The following CTSS variants were observed in gnomAD, a reference collection of about 807,000 sequenced individuals.
CTSS encodes the protein cathepsin S.
Under a neutral mutation model 39.9 loss-of-function variants are expected in CTSS, and 15 were observed. That is an observed-to-expected ratio of 0.38 (90% CI 0.25 to 0.58). The LOEUF (loss-of-function observed/expected upper bound fraction) is 0.58. CTSS is among the 20% of genes least tolerant of loss of function. CTSS has a pLI of 0.70. For synonymous variants in CTSS, 126 were observed against 138.2 expected, an observed-to-expected ratio of 0.91 and a Z score of 0.62; for missense variants, 250 against 398.2, an observed-to-expected ratio of 0.63 and a Z score of 3.17.
intron 5 of CTSS, 91 bp downstream of exon 5, chr1:150,751,690 C>T: frequency 9.0e-7 from 1 of 1,115,412 alleles, no homozygotes. Context: ...TACTGCTTCT[C>T]AAGCAATTGG....
intron 6 of CTSS, among the ~76,000 whole-genome samples, chr1:150,749,395 C>G (rs976603756): frequency 6.6e-6 from 1 of 152,150 alleles, no homozygotes; most frequent in African/African-American, 2.4e-5. Flanking sequence ...GGTCTAGATA[C>G]AAGAGTAAGC....
chr1:150,746,512 G>C (rs1257905336), intron 7 of CTSS, among the ~76,000 whole-genome samples: 2 of 152,002 alleles, frequency 1.3e-5, no homozygotes, highest in East Asian at 3.9e-4. Context: ...GTGACAGACA[G>C]GTAAATATAC....
At chr1:150,741,010 A>AT (rs1242591396) in intron 7 of CTSS, among the ~76,000 whole-genome samples, 1 of 150,904 alleles carries the variant, frequency 6.6e-6, no homozygotes, top group Non-Finnish European at 1.5e-5. Context: ...TTTAACTTAA[A>AT]TTTTTTTTTG....
intron 6 of CTSS, 134 bp from the exon 7 acceptor site, chr1:150,748,013 C>T (rs921036566): frequency 3.2e-6 from 2 of 616,640 alleles, no homozygotes; most frequent in East Asian, 6.1e-5. Context: ...AGGACATGTC[C>T]AGGCATGGTG....
At chr1:150,763,813 G>A (rs1653310891) in intron 2 of CTSS, among the ~76,000 whole-genome samples, 1 of 152,122 alleles carries the variant, frequency 6.6e-6, no homozygotes. Flanking sequence ...ACAATATCTG[G>A]CCACACTATG....
chr1:150,737,380 G>A (rs933479974), intron 7 of CTSS, among the ~76,000 whole-genome samples: 5 of 152,136 alleles, frequency 3.3e-5, no homozygotes, highest in Admixed American at 2.6e-4. Context: ...GGGATTACAG[G>A]CGTGAGCCAC....
In CTSS at chr1:150,730,681, C is replaced by A. The variant is rs587608073; in HGVS notation, c.*2365G>T. The stretch of plus-strand genomic sequence containing the variant: ...CCTGAACCCCGTCACTAACCTCTAA[C>A]TGAAAGTTAGGATTTTCTTCAATTC... On this transcript the variant is annotated 3_prime_UTR_variant, in exon 8 of 8. Coordinates refer to ENST00000368985, the MANE Select transcript of CTSS (RefSeq NM_004079.5). The A allele has an allele frequency of 1.3e-5, 2 of 152,212 alleles. No individual in the cohort carries two copies. Among genetic ancestry groups the A allele is most frequent in the Non-Finnish European group, 2.9e-5 (2 of 68,038 alleles). 9.4% of individuals were successfully genotyped at this position (152,212 alleles called of 1,614,324 possible).
At position 150,744,979 on chromosome 1, in the gene CTSS, G is replaced by A. The variant is rs2101915371; in HGVS notation, c.896+2798C>T. ...GTTCCTTAGAGAGTCAATAAGATAT[G>A]AGGGAAATAGTTTCATTTTAAAAAG... On this transcript the variant is annotated intron_variant, in intron 7 of 7. Coordinates refer to ENST00000368985, the MANE Select transcript of CTSS (RefSeq NM_004079.5). Among the ~76,000 whole-genome samples the A allele has an allele frequency of 2.0e-5, 3 of 152,106 alleles. No individual in the cohort carries two copies. The South Asian group carries it at 6.2e-4, about 31-fold the overall frequency.
At position 150,760,507 on chromosome 1, in the gene CTSS, G is replaced by A. The variant is rs138467614; in HGVS notation, c.127-2527C>T. Among the ~76,000 whole-genome samples the A allele has an allele frequency of 3.4e-3, 514 of 152,260 alleles. 2 individuals are homozygous for A. Among genetic ancestry groups the A allele is most frequent in the African/African-American group, 0.012 (492 of 41,546 alleles). ...TATAGTGCTGAAAATCCTAGCCAGAGCAATTAGGCAAGAAAAATAAATACA... is the reference window on the plus strand; with the variant it reads ...TATAGTGCTGAAAATCCTAGCCAGAACAATTAGGCAAGAAAAATAAATACA... On this transcript the variant is annotated intron_variant, in intron 2 of 7. Coordinates refer to ENST00000368985, the MANE Select transcript of CTSS (RefSeq NM_004079.5).
chr1:150,758,051 C>G, intron 2 of CTSS, 71 bp from the exon 3 acceptor site: 1 of 1,431,762 alleles, frequency 7.0e-7, no homozygotes. Context: ...ATGAAAATGG[C>G]AATTTTTTTT....
intron 7 of CTSS, among the ~76,000 whole-genome samples, chr1:150,739,125 G>A (rs587601433): frequency 2.6e-5 from 4 of 152,278 alleles, no homozygotes; most frequent in South Asian, 4.1e-4. Flanking sequence ...AACCTGGGAG[G>A]CAGAGGTTTC....
At chr1:150,736,246 C>A (rs587694388) in intron 7 of CTSS, among the ~76,000 whole-genome samples, 2 of 152,234 alleles carry the variant, frequency 1.3e-5, no homozygotes, top group South Asian at 4.2e-4. Context: ...CTAATTTAAT[C>A]ATCATCCTGT....
intron 7 of CTSS, among the ~76,000 whole-genome samples, chr1:150,737,309 C>G (rs11204718): frequency 0.38 from 57,259 of 151,864 alleles, 11,055 homozygotes; most frequent in South Asian, 0.54. Context: ...TCCATGTTGG[C>G]CAGGCTGGTC....
At position 150,754,994 on chromosome 1, in the gene CTSS, TACTC is replaced by T; in HGVS notation, c.399+3_399+6del. ...AGGGTTCAGAGGCTTGGGATGGTAATACTCACTTGATATTTCACTTCAGTAACAC... is the reference window on the plus strand; with the variant it reads ...AGGGTTCAGAGGCTTGGGATGGTAATACTTGATATTTCACTTCAGTAACAC... On this transcript the variant is annotated splice_donor_5th_base_variant and intron_variant, in intron 4 of 7. Transcript: ENST00000368985. 6.2e-7 allele frequency: 1 copy of T among 1,612,770 alleles called. No homozygotes were observed. Among genetic ancestry groups the T allele is most frequent in the Non-Finnish European group, 8.5e-7 (1 of 1,179,160 alleles).
At chr1:150,742,736 G>A (rs1652793525) in intron 7 of CTSS, among the ~76,000 whole-genome samples, 1 of 152,142 alleles carries the variant, frequency 6.6e-6, no homozygotes, top group Non-Finnish European at 1.5e-5. Flanking sequence ...GGATAGGGCT[G>A]GGTGGGTTGA....
chr1:150,746,466 A>G (rs1332308808), intron 7 of CTSS, among the ~76,000 whole-genome samples: 1 of 152,230 alleles, frequency 6.6e-6, no homozygotes, highest in African/African-American at 2.4e-5. Flanking sequence ...AAGACCAGAC[A>G]TAATCTCTCC....
At chr1:150,746,119 C>A (rs587665954) in intron 7 of CTSS, among the ~76,000 whole-genome samples, 7 of 152,238 alleles carry the variant, frequency 4.6e-5, no homozygotes, top group African/African-American at 1.7e-4. Context: ...TAAGTAAGAT[C>A]ATACAGTTTT....
At chr1:150,740,849 C>G (rs186226718) in intron 7 of CTSS, among the ~76,000 whole-genome samples, 4 of 151,794 alleles carry the variant, frequency 2.6e-5, no homozygotes, top group Non-Finnish European at 5.9e-5. Flanking sequence ...TGTGTGTCAC[C>G]ATGCCTGGCT....
At chr1:150,744,594 TG>T (rs1291630874) in intron 7 of CTSS, among the ~76,000 whole-genome samples, 1 of 121,818 alleles carries the variant, frequency 8.2e-6, no homozygotes, top group Non-Finnish European at 1.6e-5. Context: ...ATATTATATA[TG>T]TATATTATGT....
Sources: allele counts gnomAD v4.1 joint callset (sites outside exome capture counted in the v4.1 genomes callset), GRCh38; gene constraint gnomAD v4.1.1; transcripts MANE v1.5; gene names NCBI Gene and HGNC (gene_info 2026-07-23, HGNC 2026-07-21).